Variants in CAMKMT observed in about 807,000 individuals in gnomAD.
CAMKMT encodes the protein calmodulin-lysine N-methyltransferase, also known as CaM KMT.
In CAMKMT, 53 loss-of-function variants were observed where a neutral mutation model predicts 48.0. That is an observed-to-expected ratio of 1.10 (90% CI 0.89 to 1.39). The LOEUF (loss-of-function observed/expected upper bound fraction) is 1.39. CAMKMT is among the 40% of genes most tolerant of loss of function. The probability of loss-of-function intolerance (pLI) is 0.00; values close to 1 mark genes in which losing one functional copy is unlikely to be tolerated. For synonymous variants in CAMKMT, 165 were observed against 152.3 expected (o/e 1.08, Z -0.61); for missense variants, 428 against 402.7 (o/e 1.06, Z -0.54).
chr2:44,519,281 A>G (rs1240390697), intron 3 of CAMKMT, among the ~76,000 whole-genome samples: 1 of 152,208 alleles, frequency 6.6e-6, no homozygotes, highest in Non-Finnish European at 1.5e-5. Flanking sequence ...ACATGTGTTT[A>G]TAAACAAACA....
At chr2:44,628,883 G>T (rs1198342264) in intron 3 of CAMKMT, among the ~76,000 whole-genome samples, 3 of 152,086 alleles carry the variant, frequency 2.0e-5, no homozygotes, top group Admixed American at 1.3e-4. Context: ...AGAGAATAGA[G>T]TCTGGATAAT....
At chr2:44,390,689 C>T (rs940181248) in intron 3 of CAMKMT, among the ~76,000 whole-genome samples, 1 of 152,060 alleles carries the variant, frequency 6.6e-6, no homozygotes, top group Non-Finnish European at 1.5e-5. Flanking sequence ...GTTTCGGGTG[C>T]TTTCTTTGCC....
intron 2 of CAMKMT, among the ~76,000 whole-genome samples, chr2:44,387,448 G>T (rs1410733939): frequency 5.3e-5 from 8 of 152,148 alleles, no homozygotes; most frequent in Admixed American, 5.2e-4. Flanking sequence ...TAGTTGGTTG[G>T]TGAGTTTTGA....
At chr2:44,366,411 A>G (rs527915175) in intron 1 of CAMKMT, among the ~76,000 whole-genome samples, 13 of 152,052 alleles carry the variant, frequency 8.5e-5, no homozygotes, top group African/African-American at 3.1e-4. Flanking sequence ...TTTTTGTTTC[A>G]CCTTTATTCT....
At chr2:44,447,460 A>G (rs1667063163) in intron 3 of CAMKMT, among the ~76,000 whole-genome samples, 1 of 152,236 alleles carries the variant, frequency 6.6e-6, no homozygotes, top group Non-Finnish European at 1.5e-5. Context: ...TGTATCAGTC[A>G]TAGTGGGATA....
At chr2:44,572,723 T>G (rs989942398) in intron 3 of CAMKMT, among the ~76,000 whole-genome samples, 1 of 151,526 alleles carries the variant, frequency 6.6e-6, no homozygotes, top group Non-Finnish European at 1.5e-5. Flanking sequence ...TTGGCTGTTA[T>G]GAGTAACGCT....
chr2:44,403,161 G>C (rs1174351559), intron 3 of CAMKMT, among the ~76,000 whole-genome samples: 1 of 152,108 alleles, frequency 6.6e-6, no homozygotes. Flanking sequence ...TTTCCCTTGA[G>C]CTGGCCAGTT....
intron 7 of CAMKMT, among the ~76,000 whole-genome samples, chr2:44,731,066 C>T (rs1049444854): frequency 6.6e-6 from 1 of 152,206 alleles, no homozygotes. Flanking sequence ...CTCAGCCGGG[C>T]ACAGTGGCCC....
chr2:44,526,008 C>T (rs893493924), intron 3 of CAMKMT, among the ~76,000 whole-genome samples: 5 of 152,094 alleles, frequency 3.3e-5, no homozygotes, highest in African/African-American at 9.7e-5. Context: ...TCCCTCCCCT[C>T]TCTGGATTAA....
intron 3 of CAMKMT, among the ~76,000 whole-genome samples, chr2:44,523,575 A>T (rs1298791028): frequency 6.7e-6 from 1 of 149,958 alleles, no homozygotes; most frequent in Non-Finnish European, 1.5e-5. Flanking sequence ...CATTACAGGC[A>T]TGAGTCACCA....
At chr2:44,633,939 G>A (rs1672980104) in intron 3 of CAMKMT, among the ~76,000 whole-genome samples, 1 of 151,624 alleles carries the variant, frequency 6.6e-6, no homozygotes, top group Admixed American at 6.6e-5. Context: ...TGGTTTTTGG[G>A]GTTTTTTTAA....
intron 3 of CAMKMT, among the ~76,000 whole-genome samples, chr2:44,682,518 A>G (rs1298722138): frequency 6.6e-6 from 1 of 152,236 alleles, no homozygotes; most frequent in Admixed American, 6.5e-5. Flanking sequence ...CTAATCAATC[A>G]GTGTATCAAC....
chr2:44,479,118 A>G (rs1179815964), intron 3 of CAMKMT, among the ~76,000 whole-genome samples: 1 of 152,248 alleles, frequency 6.6e-6, no homozygotes, highest in Non-Finnish European at 1.5e-5. Flanking sequence ...ACCTTGCTTA[A>G]TATTAGTTAC....
intron 3 of CAMKMT, among the ~76,000 whole-genome samples, chr2:44,627,027 T>C (rs898373074): frequency 1.3e-5 from 2 of 152,214 alleles, no homozygotes; most frequent in Admixed American, 6.5e-5. Context: ...GAATGTCCTT[T>C]ATGAGAGAAT....
chr2:44,771,794 T>A (rs529210739), intron 10 of CAMKMT, among the ~76,000 whole-genome samples: 1 of 152,242 alleles, frequency 6.6e-6, no homozygotes, highest in East Asian at 1.9e-4. Flanking sequence ...GAGGTCAAAG[T>A]GCAGTTTGGG....
chr2:44,510,250 AGTCTTTCTCT>A (rs1440758524), intron 3 of CAMKMT, among the ~76,000 whole-genome samples: 1 of 152,132 alleles, frequency 6.6e-6, no homozygotes, highest in East Asian at 1.9e-4. Flanking sequence ...GTAATTCCTT[AGTCTTTCTCT>A]GTCTTTCACG....
chr2:44,627,239 T>G (rs1476721788), intron 3 of CAMKMT, among the ~76,000 whole-genome samples: 1 of 152,180 alleles, frequency 6.6e-6, no homozygotes, highest in Non-Finnish European at 1.5e-5. Context: ...GTATTATCCT[T>G]TATAGATATT....
chr2:44,673,538 C>G (rs1051596576), intron 3 of CAMKMT, among the ~76,000 whole-genome samples: 2 of 140,194 alleles, frequency 1.4e-5, no homozygotes, highest in African/African-American at 2.9e-5. Flanking sequence ...AGGAAGAAAT[C>G]TATACACCCA....
At chr2:44,506,418 G>A (rs759541229) in intron 3 of CAMKMT, among the ~76,000 whole-genome samples, 13 of 152,064 alleles carry the variant, frequency 8.5e-5, no homozygotes, top group South Asian at 8.3e-4. Context: ...AGTTTTCAGC[G>A]ATTTTCATTT....
Sources: gnomAD v4.1 joint callset for allele counts (sites outside exome capture counted in the v4.1 genomes callset) on GRCh38, gnomAD v4.1.1 for gene constraint, MANE v1.5 for transcripts, NCBI Gene and HGNC (gene_info 2026-07-23, HGNC 2026-07-21) for gene names.